The following OR2L13 variants were observed in gnomAD, a reference collection of about 807,000 sequenced individuals.
OR2L13 encodes olfactory receptor family 2 subfamily L member 13.
In OR2L13, 14 loss-of-function variants were observed where a neutral mutation model predicts 15.3. That is an observed-to-expected ratio of 0.91 (90% CI 0.60 to 1.43). The LOEUF (loss-of-function observed/expected upper bound fraction) is 1.43, where lower values mean the gene tolerates loss of function less well. Among genes scored for constraint, OR2L13 ranks in the 40% most tolerant of loss-of-function variants. The pLI is 0.00. For missense variants in OR2L13, 367 were observed against 387.9 expected (o/e 0.95, Z 0.45); for synonymous variants, 152 against 142.9 (o/e 1.06, Z -0.45).
the OR2L13 span, chr1:248,039,069 A>G: frequency 8.7e-6 from 14 of 1,614,078 alleles, no homozygotes; most frequent in Non-Finnish European, 1.2e-5. Context: ...GCGATCTCCA[A>G]CAGAGGACAA....
chr1:247,952,326 T>C, the OR2L13 span, among the ~76,000 whole-genome samples: 1 of 152,172 alleles, frequency 6.6e-6, no homozygotes, highest in Non-Finnish European at 1.5e-5. Flanking sequence ...AGTGTTTGTA[T>C]CCTCTGAAAA....
chr1:247,965,236 T>C, the OR2L13 span: 1 of 1,012,600 alleles, frequency 9.9e-7, no homozygotes, highest in Middle Eastern at 2.6e-4. Flanking sequence ...CACTTTGTGC[T>C]CTAAACATGT....
At chr1:248,022,715 T>A in the OR2L13 span, 2 of 1,614,208 alleles carry the variant, frequency 1.2e-6, no homozygotes, top group Non-Finnish European at 1.7e-6. Flanking sequence ...CCTTTGCTTA[T>A]ACCTATCTAT....
the OR2L13 span, chr1:248,061,374 A>T: frequency 5.0e-6 from 8 of 1,613,974 alleles, no homozygotes; most frequent in Admixed American, 1.2e-4. Flanking sequence ...AATCTGCAGA[A>T]GGGAGGAAGA....
chr1:247,956,268 A>G, the OR2L13 span, among the ~76,000 whole-genome samples: 2 of 152,182 alleles, frequency 1.3e-5, no homozygotes, highest in African/African-American at 2.4e-5. Context: ...ATGCGGCATT[A>G]TTTCTGAGGG....
the OR2L13 span, among the ~76,000 whole-genome samples, chr1:247,961,941 T>G: frequency 2.0e-5 from 3 of 152,216 alleles, no homozygotes; most frequent in Non-Finnish European, 4.4e-5. Flanking sequence ...AGAATCTTAC[T>G]TGTAAAGATT....
upstream of OR2L13, among the ~76,000 whole-genome samples, chr1:248,094,591 C>G (rs946942312): frequency 2.6e-5 from 4 of 152,188 alleles, no homozygotes; most frequent in Non-Finnish European, 5.9e-5. Flanking sequence ...CTCTCTGACT[C>G]TAAATGCTCA....
upstream of OR2L13, among the ~76,000 whole-genome samples, chr1:248,090,862 G>A (rs1197465286): frequency 8.5e-5 from 13 of 152,130 alleles, no homozygotes; most frequent in Non-Finnish European, 1.8e-4. Context: ...AAATCACAAA[G>A]CTGCTTTCCA....
chr1:247,952,537 C>A, the OR2L13 span, among the ~76,000 whole-genome samples: 1 of 152,142 alleles, frequency 6.6e-6, no homozygotes, highest in Non-Finnish European at 1.5e-5. Flanking sequence ...AAGCCACCAT[C>A]TATGAACCAG....
At chr1:248,008,680 A>G in the OR2L13 span, among the ~76,000 whole-genome samples, 1 of 152,210 alleles carries the variant, frequency 6.6e-6, no homozygotes, top group Non-Finnish European at 1.5e-5. Flanking sequence ...CTCTGGACCA[A>G]GCAAATCTAA....
At chr1:248,020,987 C>T in the OR2L13 span, among the ~76,000 whole-genome samples, 1 of 151,874 alleles carries the variant, frequency 6.6e-6, no homozygotes, top group African/African-American at 2.4e-5. Flanking sequence ...AAGTCACAGG[C>T]TGCTGCAGCT....
chr1:248,047,319 C>T, the OR2L13 span, among the ~76,000 whole-genome samples: 1 of 151,520 alleles, frequency 6.6e-6, no homozygotes, highest in Non-Finnish European at 1.5e-5. Context: ...CTTATTGCTA[C>T]TTCTCACTTT....
chr1:248,018,172 T>A, the OR2L13 span, among the ~76,000 whole-genome samples: 3 of 147,906 alleles, frequency 2.0e-5, no homozygotes, highest in South Asian at 2.1e-4. Flanking sequence ...AAAAAAAAAA[T>A]TCGTTATTTT....
At chr1:247,952,666 T>C in the OR2L13 span, among the ~76,000 whole-genome samples, 4 of 152,202 alleles carry the variant, frequency 2.6e-5, no homozygotes, top group Non-Finnish European at 5.9e-5. Context: ...AAGATATTTT[T>C]TCATAGCAGC....
chr1:248,078,743 TAAAC>T, the OR2L13 span, among the ~76,000 whole-genome samples: 1 of 152,052 alleles, frequency 6.6e-6, no homozygotes, highest in Non-Finnish European at 1.5e-5. Flanking sequence ...TACAAATGCA[TAAAC>T]AAACTTTGGT....
chr1:247,957,859 G>A, the OR2L13 span, among the ~76,000 whole-genome samples: 859 of 152,130 alleles, frequency 5.6e-3, 11 homozygotes, highest in African/African-American at 0.02. Context: ...CTTGCTAGTG[G>A]TCTGTCAATT....
At chr1:247,965,954 C>A in the OR2L13 span, 7 of 1,608,520 alleles carry the variant, frequency 4.4e-6, no homozygotes, top group African/African-American at 9.4e-5. Flanking sequence ...CAGGACACCT[C>A]CCAGTATGAG....
the OR2L13 span, among the ~76,000 whole-genome samples, chr1:247,956,375 C>A: frequency 6.6e-6 from 1 of 151,164 alleles, no homozygotes; most frequent in Non-Finnish European, 1.5e-5. Flanking sequence ...AGTCAGGTAG[C>A]GTGATGCCTC....
chr1:248,060,694 A>T, the OR2L13 span: 1 of 1,612,376 alleles, frequency 6.2e-7, no homozygotes, highest in South Asian at 1.1e-5. Context: ...GGAAAATTAC[A>T]ATCAAACATC....
Sources: allele counts gnomAD v4.1 joint callset (sites outside exome capture counted in the v4.1 genomes callset), GRCh38; gene constraint gnomAD v4.1.1; transcripts MANE v1.5; gene names NCBI Gene and HGNC (gene_info 2026-07-23, HGNC 2026-07-21).